ATP2C1: variants seen among roughly 807,000 people sequenced by gnomAD.
The protein encoded by ATP2C1 is ATPase secretory pathway Ca2+ transporting 1.
Under a neutral mutation model 120.5 loss-of-function variants are expected in ATP2C1, and 31 were observed. That is an observed-to-expected ratio of 0.26 (90% confidence interval 0.19 to 0.35). The LOEUF is 0.35. ATP2C1 is among the 10% of genes least tolerant of loss of function. The pLI is 1.00. For synonymous variants in ATP2C1, 351 were observed against 358.7 expected, an observed-to-expected ratio of 0.98 and a Z score of 0.24; for missense variants, 731 against 1,107.5, an observed-to-expected ratio of 0.66 and a Z score of 4.83.
intron 20 of ATP2C1, among the ~76,000 whole-genome samples, chr3:130,987,736 G>A (rs1262182213): frequency 6.6e-6 from 1 of 152,188 alleles, no homozygotes; most frequent in Non-Finnish European, 1.5e-5. Flanking sequence ...TTTCCCCCAT[G>A]TACTAGAATC....
chr3:130,997,480 A>G (rs1329352941), intron 24 of ATP2C1, 126 bp from the exon 25 acceptor site: 2 of 869,960 alleles, frequency 2.3e-6, no homozygotes, highest in African/African-American at 1.7e-5. Context: ...GCGTTTTATG[A>G]TGCAACATTT....
At chr3:130,972,028 A>G (rs893448348) in intron 17 of ATP2C1, among the ~76,000 whole-genome samples, 1 of 152,104 alleles carries the variant, frequency 6.6e-6, no homozygotes, top group Non-Finnish European at 1.5e-5. Flanking sequence ...GGCACCAGGG[A>G]CTGGTTTCCT....
intron 17 of ATP2C1, among the ~76,000 whole-genome samples, chr3:130,972,112 C>T (rs1329593387): frequency 6.6e-6 from 1 of 152,182 alleles, no homozygotes; most frequent in Non-Finnish European, 1.5e-5. Flanking sequence ...ATTAGATTCT[C>T]TTAAGGAGTG....
chr3:130,937,368 A>G, intron 5 of ATP2C1, 60 bp from the exon 6 acceptor site: 1 of 1,395,162 alleles, frequency 7.2e-7, no homozygotes, highest in Non-Finnish European at 1.0e-6. Context: ...AAAATAAAAT[A>G]CAGTTAACAG....
intron 26 of ATP2C1, among the ~76,000 whole-genome samples, chr3:131,012,260 C>CTTTTTTT (rs71620100): frequency 2.2e-4 from 28 of 127,184 alleles, no homozygotes; most frequent in Admixed American, 3.4e-4. Context: ...TTTCTTTTTT[C>CTTTTTTT]TTTTTTTTTT....
chr3:130,990,356 T>G (rs1366832388), intron 20 of ATP2C1, among the ~76,000 whole-genome samples: 1 of 143,616 alleles, frequency 7.0e-6, no homozygotes. Flanking sequence ...AGGGAGGGCC[T>G]CACTGAGAAG....
chr3:130,982,730 A>G (rs1170916377), intron 20 of ATP2C1, among the ~76,000 whole-genome samples: 1 of 152,138 alleles, frequency 6.6e-6, no homozygotes, highest in Non-Finnish European at 1.5e-5. Flanking sequence ...ATTTTCTTAA[A>G]TTGTTTCTGC....
intron 2 of ATP2C1, among the ~76,000 whole-genome samples, chr3:130,897,939 G>C (rs1299079907): frequency 6.6e-6 from 1 of 152,102 alleles, no homozygotes; most frequent in Admixed American, 6.6e-5. Context: ...AACAGATCCC[G>C]CTTAGGCATC....
intron 16 of ATP2C1, among the ~76,000 whole-genome samples, chr3:130,967,876 G>T (rs1037462687): frequency 1.3e-5 from 2 of 152,088 alleles, no homozygotes; most frequent in Non-Finnish European, 2.9e-5. Flanking sequence ...AAATGATTGT[G>T]AAGTTATAAT....
intron 8 of ATP2C1, among the ~76,000 whole-genome samples, chr3:130,943,815 G>T (rs2060024828): frequency 6.6e-6 from 1 of 152,140 alleles, no homozygotes; most frequent in Admixed American, 6.5e-5. Flanking sequence ...AAGAGTTGGG[G>T]ATCTTTTATC....
At chr3:131,005,674 T>G (rs780628298), downstream of ATP2C1, among the ~76,000 whole-genome samples, 2 of 152,234 alleles carry the variant, frequency 1.3e-5, no homozygotes, top group Non-Finnish European at 1.5e-5. Flanking sequence ...ATCCATTTTT[T>G]TTGTTGTTGT....
intron 2 of ATP2C1, among the ~76,000 whole-genome samples, chr3:130,896,998 G>A (rs193108788): frequency 6.6e-6 from 1 of 152,284 alleles, no homozygotes; most frequent in Admixed American, 6.5e-5. Flanking sequence ...TACCTTATGA[G>A]GTTGTTGTAA....
intron 8 of ATP2C1, among the ~76,000 whole-genome samples, chr3:130,948,105 A>G (rs958337950): frequency 5.9e-5 from 9 of 152,194 alleles, no homozygotes; most frequent in African/African-American, 1.7e-4. Flanking sequence ...TCAACATACA[A>G]TAATACTGAC....
chr3:130,948,444 G>A (rs565448159), intron 8 of ATP2C1, among the ~76,000 whole-genome samples: 135 of 152,074 alleles, frequency 8.9e-4, no homozygotes, highest in African/African-American at 3.1e-3. Context: ...TATGTGATAA[G>A]TTGTTTCTGT....
At chr3:130,917,374 T>C (rs2058735064) in intron 2 of ATP2C1, among the ~76,000 whole-genome samples, 1 of 152,238 alleles carries the variant, frequency 6.6e-6, no homozygotes, top group Non-Finnish European at 1.5e-5. Context: ...CATTTCTTTT[T>C]TTTAAAAGCA....
At chr3:130,871,429 A>C (rs1490369348) in intron 1 of ATP2C1, among the ~76,000 whole-genome samples, 1 of 152,208 alleles carries the variant, frequency 6.6e-6, no homozygotes, top group Non-Finnish European at 1.5e-5. Context: ...CCACCTCCAG[A>C]GTTTCTAATA....
rs2107904452 is a variant in ATP2C1, at chr3:130,894,645, G to C, written c.-125G>C. 5 of 1,605,958 alleles carry C rather than the reference G, an allele frequency of 3.1e-6. No homozygotes were observed. In the East Asian group the frequency reaches 1.1e-4, roughly 36 times the overall value. On this transcript the variant is annotated 5_prime_UTR_variant, in exon 2 of 28. Transcript: ENST00000510168. The surrounding 1 kb of genome is among the most constrained non-coding windows in gnomAD (Gnocchi z 4.5). The stretch of plus-strand genomic sequence containing the variant: ...GTGGGACGCGTGGCCGGGAGCGGGG[G>C]TGACAGCCTGGGATTCCGGGGGCTT...
At chr3:130,930,973 C>T (rs1337693167) in intron 3 of ATP2C1, among the ~76,000 whole-genome samples, 3 of 151,970 alleles carry the variant, frequency 2.0e-5, no homozygotes, top group Non-Finnish European at 4.4e-5. Flanking sequence ...AACTTAAGTA[C>T]AAGTTTAGAA....
chr3:130,864,326 C>A (rs974336649), intron 1 of ATP2C1, among the ~76,000 whole-genome samples: 4 of 152,188 alleles, frequency 2.6e-5, no homozygotes, highest in Non-Finnish European at 5.9e-5. Flanking sequence ...TTCTAAGCTG[C>A]AAACATTCAA....
Sources: gnomAD v4.1 joint callset for allele counts (sites outside exome capture counted in the v4.1 genomes callset) on GRCh38, gnomAD v4.1.1 for gene constraint, Gnocchi (gnomAD v3.1) non-coding constraint, MANE v1.5 for transcripts, NCBI Gene and HGNC (gene_info 2026-07-23, HGNC 2026-07-21) for gene names.